TOP2B: variants seen among roughly 807,000 people sequenced by gnomAD.
The protein encoded by TOP2B is DNA topoisomerase 2-beta.
A neutral mutation model predicts 193.5 loss-of-function variants in TOP2B; 51 were observed. That is an observed-to-expected ratio of 0.26 (90% CI 0.21 to 0.33). TOP2B has a LOEUF of 0.33. Ranked by LOEUF, TOP2B falls within the 10% of genes least tolerant of loss-of-function variation. TOP2B has a pLI of 1.00. For synonymous variants in TOP2B, 634 were observed against 635.7 expected (o/e 1.00, Z 0.04); for missense variants, 1,378 against 1,909.3 (o/e 0.72, Z 5.19).
chr3:25,653,739 A>G (rs1162416578), intron 1 of TOP2B, among the ~76,000 whole-genome samples: 2 of 152,182 alleles, frequency 1.3e-5, no homozygotes, highest in Admixed American at 6.5e-5. Context: ...CCAACAGCAC[A>G]TTAAAAGGAT....
intron 28 of TOP2B, among the ~76,000 whole-genome samples, chr3:25,610,838 G>A (rs1322488866): frequency 1.3e-5 from 2 of 152,210 alleles, no homozygotes; most frequent in Non-Finnish European, 2.9e-5. Flanking sequence ...CCACTTTAAA[G>A]TATCTCAGAG....
chr3:25,634,798 C>CAAA (rs1491143901), intron 7 of TOP2B, among the ~76,000 whole-genome samples: 6 of 131,478 alleles, frequency 4.6e-5, no homozygotes, highest in African/African-American at 1.1e-4. Flanking sequence ...AAAAAAAAAA[C>CAAA]CAAAAAAAGG....
Position 25,609,609 on chromosome 3 carries a change from A to G in TOP2B, c.3890T>C (p.Ile1297Thr). Reference protein sequence around the residue: ...GEEALTPSVPINKGPKPKREK... With the variant: ...GEEALTPSVPTNKGPKPKREK... ...CCTCTTAGGTTTGGGACCTTTATTT[A>G]TAGGAACTGATGGAGTCAATGCCTC... is the stretch of plus-strand genomic sequence containing the variant. The change falls in exon 29 of 36, where the codon ATA becomes ACA. Residue 1297 changes from isoleucine to threonine, a missense_variant. Ile to Thr is a moderately conservative substitution (Grantham distance 89). Around this residue, in one of 9 missense-constraint regions of TOP2B, gnomAD observed 556 missense variants for 584.2 expected, o/e 0.95. Coordinates refer to ENST00000264331, the MANE Select transcript of TOP2B (RefSeq NM_001330700.2). 6.3e-7 allele frequency: 1 copy of G among 1,598,174 alleles called. No homozygotes were observed. The highest frequency in any genetic ancestry group is 8.5e-7 in the Non-Finnish European group (1 of 1,172,184).
Position 25,630,453 on chromosome 3 carries a change from C to G in TOP2B, c.1422G>C (p.Leu474=), listed in dbSNP as rs375781463. 1.9e-5 allele frequency: 29 copies of G among 1,543,878 alleles called. No homozygotes were observed. Among genetic ancestry groups the G allele is most frequent in the Non-Finnish European group, 2.4e-5 (27 of 1,143,884 alleles). ...CCTCTGTTAATATCAGTGTACACTC[C>G]AGGGAATGTTTACCACCTGAGAGAA... ...DANDAGGKHS[L]ECTLILTEGD... Residue 474 remains leucine, a synonymous_variant, in exon 12 of 36, where the codon CTG becomes CTC. Coordinates refer to ENST00000264331, the MANE Select transcript of TOP2B (RefSeq NM_001330700.2).
intron 3 of TOP2B, 133 bp downstream of exon 3, chr3:25,643,561 C>A: frequency 1.6e-6 from 1 of 627,478 alleles, no homozygotes; most frequent in Non-Finnish European, 2.8e-6. Context: ...TTCTGAAGAT[C>A]ATTTATATTC....
intron 31 of TOP2B, among the ~76,000 whole-genome samples, chr3:25,606,464 A>G (rs1702240122): frequency 6.6e-6 from 1 of 152,148 alleles, no homozygotes; most frequent in African/African-American, 2.4e-5. Flanking sequence ...CAAATTCTAC[A>G]GTTGATAGAA....
At chr3:25,611,599 T>C (rs1702372459) in intron 28 of TOP2B, among the ~76,000 whole-genome samples, 1 of 152,178 alleles carries the variant, frequency 6.6e-6, no homozygotes, top group South Asian at 2.1e-4. Flanking sequence ...ACATGCACCC[T>C]GTTTCCTCAG....
intron 33 of TOP2B, among the ~76,000 whole-genome samples, chr3:25,601,570 G>A (rs952473341): frequency 2.6e-5 from 4 of 152,004 alleles, no homozygotes; most frequent in East Asian, 1.9e-4. Context: ...CTGAGATTGC[G>A]CCACTGCACT....
At chr3:25,616,750 T>G (rs537861858) in intron 25 of TOP2B, among the ~76,000 whole-genome samples, 1 of 152,096 alleles carries the variant, frequency 6.6e-6, no homozygotes, top group East Asian at 1.9e-4. Context: ...AAATCCTGTT[T>G]AGACCCACAT....
chr3:25,612,483 TG>T, intron 28 of TOP2B, 31 bp downstream of exon 28: 1 of 1,496,970 alleles, frequency 6.7e-7, no homozygotes, highest in Non-Finnish European at 9.0e-7. Flanking sequence ...ATTATAGAAA[TG>T]AGTCTATCAA....
chr3:25,663,751 C>T lies in TOP2B; in HGVS notation c.69+478G>A, dbSNP rs116685941. Among the ~76,000 whole-genome samples, 868 of 152,234 alleles carry T rather than the reference C, an allele frequency of 5.7e-3. 9 individuals are homozygous for T. The highest frequency in any genetic ancestry group is 0.02 in the African/African-American group (839 of 41,524). On this transcript the variant is annotated intron_variant, in intron 1 of 35. Transcript: ENST00000264331. The stretch of plus-strand genomic sequence containing the variant: ...TGAAGTGCAAGTTGCTGTAGAAATC[C>T]CAATGCATTCTTCTTTGAGATTAAA...
At chr3:25,646,019 C>T (rs1703405866) in intron 1 of TOP2B, among the ~76,000 whole-genome samples, 1 of 151,332 alleles carries the variant, frequency 6.6e-6, no homozygotes, top group South Asian at 2.1e-4. Context: ...GATCAGCCTG[C>T]CTTGGCCTCC....
intron 34 of TOP2B, among the ~76,000 whole-genome samples, chr3:25,600,065 A>T (rs971346294): frequency 2.0e-5 from 3 of 152,198 alleles, no homozygotes; most frequent in Non-Finnish European, 4.4e-5. Flanking sequence ...GTGGCACCAT[A>T]TGAGAACCAC....
At chr3:25,656,879 T>C (rs1703760704) in intron 1 of TOP2B, among the ~76,000 whole-genome samples, 1 of 152,256 alleles carries the variant, frequency 6.6e-6, no homozygotes, top group South Asian at 2.1e-4. Flanking sequence ...AACCCAAGTA[T>C]GTGAAAACAT....
intron 33 of TOP2B, among the ~76,000 whole-genome samples, chr3:25,603,477 A>C (rs896401951): frequency 6.6e-6 from 1 of 152,070 alleles, no homozygotes; most frequent in Non-Finnish European, 1.5e-5. Flanking sequence ...TCTTGACCTC[A>C]AGCAATCTGC....
chr3:25,603,548 G>GT (rs781299383), intron 33 of TOP2B, among the ~76,000 whole-genome samples: 4 of 151,966 alleles, frequency 2.6e-5, no homozygotes, highest in African/African-American at 4.8e-5. Flanking sequence ...CAGCCTGATT[G>GT]TTTTTTTAAA....
chr3:25,625,355 T>C (rs1468609452), intron 18 of TOP2B, among the ~76,000 whole-genome samples: 2 of 152,206 alleles, frequency 1.3e-5, no homozygotes, highest in South Asian at 2.1e-4. Flanking sequence ...ATCCAAGTAA[T>C]AGAAATAATT....
At chr3:25,648,457 AACCAGACCGCAAAG>A (rs1450156073) in intron 1 of TOP2B, among the ~76,000 whole-genome samples, 1 of 152,200 alleles carries the variant, frequency 6.6e-6, no homozygotes, top group Non-Finnish European at 1.5e-5. Context: ...CCCAGTATGA[AACCAGACCGCAAAG>A]ACCAGAGAGT....
At chr3:25,624,841 G>A in intron 18 of TOP2B, 38 bp from the exon 19 acceptor site, 1 of 1,590,110 alleles carries the variant, frequency 6.3e-7, no homozygotes, top group South Asian at 1.1e-5. Flanking sequence ...GTTACTTCAA[G>A]ATATAGTTGT....
Sources: allele counts gnomAD v4.1 joint callset (sites outside exome capture counted in the v4.1 genomes callset), GRCh38; gene constraint gnomAD v4.1.1; regional missense constraint gnomAD v4.1.1; transcripts MANE v1.5; gene names NCBI Gene and HGNC (gene_info 2026-07-23, HGNC 2026-07-21).